The following PRELID2 variants were observed in gnomAD, a reference collection of about 807,000 sequenced individuals.
PRELID2 encodes the protein PRELI domain containing 2, also known as PRELI domain-containing protein 2.
In PRELID2, 25 loss-of-function variants were observed where a neutral mutation model predicts 28.4. The ratio of observed to expected loss-of-function variants is 0.88; its 90% CI spans 0.64 to 1.23. The LOEUF is 1.23. Among genes scored for constraint, PRELID2 ranks in the 50% most tolerant of loss-of-function variants. The pLI, the probability that PRELID2 is intolerant of heterozygous loss-of-function variation, is 0.00. For synonymous variants in PRELID2, 76 were observed against 71.6 expected, an observed-to-expected ratio of 1.06 and a Z score of -0.31; for missense variants, 201 against 214.4, an observed-to-expected ratio of 0.94 and a Z score of 0.39.
intron 1 of PRELID2, among the ~76,000 whole-genome samples, chr5:145,625,186 C>T (rs1172762312): frequency 2.0e-5 from 3 of 152,122 alleles, no homozygotes; most frequent in Non-Finnish European, 4.4e-5. Flanking sequence ...TGAACTTTCT[C>T]ATATTTTTAT....
chr5:145,722,417 A>G (rs959685746), intron 1 of PRELID2, among the ~76,000 whole-genome samples: 3 of 152,188 alleles, frequency 2.0e-5, no homozygotes, highest in Admixed American at 2.0e-4. Context: ...CTCCTGTCTC[A>G]GTCTCCAGAC....
intron 1 of PRELID2, among the ~76,000 whole-genome samples, chr5:145,833,519 T>C (rs1349074721): frequency 2.6e-5 from 4 of 152,232 alleles, no homozygotes; most frequent in African/African-American, 9.6e-5. Context: ...CTTTCATTCA[T>C]TTATTCATTG....
the PRELID2 span, among the ~76,000 whole-genome samples, chr5:145,408,881 T>A: frequency 2.0e-5 from 3 of 152,046 alleles, no homozygotes; most frequent in Admixed American, 1.3e-4. Context: ...CCTCAAAAAT[T>A]CATTAAACAA....
chr5:145,583,454 G>A (rs1173145422), intron 1 of PRELID2, among the ~76,000 whole-genome samples: 1 of 152,024 alleles, frequency 6.6e-6, no homozygotes, highest in African/African-American at 2.4e-5. Flanking sequence ...AATTAGGCAA[G>A]AAAAAGAAAT....
chr5:145,357,908 T>C, the PRELID2 span, among the ~76,000 whole-genome samples: 5 of 140,708 alleles, frequency 3.6e-5, no homozygotes, highest in Non-Finnish European at 7.8e-5. Context: ...TGCTGTCCCT[T>C]GGATTTTTTT....
intron 1 of PRELID2, among the ~76,000 whole-genome samples, chr5:145,489,551 A>G (rs1752249433): frequency 6.6e-6 from 1 of 152,182 alleles, no homozygotes; most frequent in Non-Finnish European, 1.5e-5. Flanking sequence ...CCTGGTAGAA[A>G]CGAAATTGTC....
At chr5:145,367,242 C>T in the PRELID2 span, among the ~76,000 whole-genome samples, 502 of 151,988 alleles carry the variant, frequency 3.3e-3, 3 homozygotes, top group African/African-American at 0.012. Flanking sequence ...ACCCAAAATA[C>T]TATTGTTCTA....
At chr5:145,716,055 C>T (rs550538969) in intron 1 of PRELID2, among the ~76,000 whole-genome samples, 5 of 151,980 alleles carry the variant, frequency 3.3e-5, no homozygotes, top group Admixed American at 1.3e-4. Flanking sequence ...TTTTTTTTGG[C>T]GATTTTTTTT....
the PRELID2 span, among the ~76,000 whole-genome samples, chr5:145,411,219 C>A: frequency 6.6e-6 from 1 of 152,186 alleles, no homozygotes; most frequent in Non-Finnish European, 1.5e-5. Context: ...CAAGTCACAT[C>A]TTACGTGGAT....
In PRELID2 at chr5:145,474,974, C is replaced by T. The variant is rs139234143; in HGVS notation, n.71-1659G>A. 2.7e-3 allele frequency among the ~76,000 whole-genome samples: 408 copies of T among 152,228 alleles called. 1 individual carries two copies. The highest frequency in any genetic ancestry group is 9.3e-3 in the African/African-American group (388 of 41,540). On this transcript the variant is annotated intron_variant and non_coding_transcript_variant, in intron 1 of 2. Transcript: ENST00000510259. ...TGAACTATTTACTAAGCCAATAGGT[C>T]TGTTATTTATGGAAACTAAAATAAA...
At chr5:145,483,054 C>T (rs1474580315) in intron 1 of PRELID2, among the ~76,000 whole-genome samples, 1 of 152,098 alleles carries the variant, frequency 6.6e-6, no homozygotes, top group African/African-American at 2.4e-5. Context: ...TTTCACAATT[C>T]ACCTATAAAA....
At chr5:145,694,335 A>AG (rs764715221) in intron 1 of PRELID2, among the ~76,000 whole-genome samples, 1 of 152,044 alleles carries the variant, frequency 6.6e-6, no homozygotes, top group Non-Finnish European at 1.5e-5. Context: ...AATTTGGGGG[A>AG]GGGGGCAGTC....
intron 1 of PRELID2, among the ~76,000 whole-genome samples, chr5:145,708,612 A>G (rs774630294): frequency 1.3e-5 from 2 of 152,192 alleles, no homozygotes; most frequent in Non-Finnish European, 2.9e-5. Context: ...ATTTTTTTCA[A>G]CTATTCTCTA....
the PRELID2 span, among the ~76,000 whole-genome samples, chr5:145,271,573 A>C: frequency 1.3e-5 from 2 of 152,138 alleles, no homozygotes; most frequent in Non-Finnish European, 2.9e-5. Flanking sequence ...TTTATGTGTA[A>C]ATTAATTCTA....
chr5:145,246,335 A>T, the PRELID2 span, among the ~76,000 whole-genome samples: 7 of 152,110 alleles, frequency 4.6e-5, no homozygotes, highest in African/African-American at 1.4e-4. Flanking sequence ...TTTATTAAGT[A>T]CCGGGGATAT....
At chr5:145,726,106 T>C (rs750843107) in intron 1 of PRELID2, among the ~76,000 whole-genome samples, 7 of 150,380 alleles carry the variant, frequency 4.7e-5, no homozygotes, top group African/African-American at 7.3e-5. Context: ...GAGATGGAGG[T>C]TGCAGTGAAC....
chr5:145,588,322 A>T (rs544779217), intron 1 of PRELID2, among the ~76,000 whole-genome samples: 1 of 152,260 alleles, frequency 6.6e-6, no homozygotes, highest in African/African-American at 2.4e-5. Context: ...ATTCCTCCTG[A>T]GCAGCACATC....
chr5:145,596,083 G>C (rs1199920092), intron 1 of PRELID2, among the ~76,000 whole-genome samples: 1 of 116,228 alleles, frequency 8.6e-6, no homozygotes, highest in Non-Finnish European at 1.6e-5. Context: ...CTGGGTGACA[G>C]AGTGAGAGCC....
chr5:145,397,685 C>T, the PRELID2 span, among the ~76,000 whole-genome samples: 1 of 152,108 alleles, frequency 6.6e-6, no homozygotes. Flanking sequence ...AAGAAGACAC[C>T]CACCTGCACT....
Sources: allele counts gnomAD v4.1 joint callset (sites outside exome capture counted in the v4.1 genomes callset), GRCh38; gene constraint gnomAD v4.1.1; transcripts MANE v1.5; gene names NCBI Gene and HGNC (gene_info 2026-07-23, HGNC 2026-07-21).